PMF1: variants seen among roughly 807,000 people sequenced by gnomAD.
PMF1 encodes the protein polyamine-modulated factor 1.
Under a neutral mutation model 26.7 loss-of-function variants are expected in PMF1, and 21 were observed. The observed-to-expected ratio is 0.79, with a 90% CI of 0.56 to 1.13. The LOEUF is 1.13. Ranked by LOEUF, PMF1 falls within the 50% of genes most tolerant of loss-of-function variation. PMF1 has a pLI of 0.00. For synonymous variants in PMF1, 105 were observed against 101.0 expected (o/e 1.04, Z -0.24); for missense variants, 266 against 254.9 (o/e 1.04, Z -0.30).
At chr1:156,227,228 G>T (rs911752057) in intron 1 of PMF1, among the ~76,000 whole-genome samples, 1 of 152,040 alleles carries the variant, frequency 6.6e-6, no homozygotes, top group African/African-American at 2.4e-5. Context: ...TTTTGGCCAG[G>T]CTCAATGGCT....
intron 3 of PMF1, among the ~76,000 whole-genome samples, 167 bp from the exon 4 acceptor site, chr1:156,236,121 A>G (rs1658995147): frequency 1.3e-5 from 2 of 152,152 alleles, no homozygotes; most frequent in African/African-American, 2.4e-5. Context: ...GTGCATTCCT[A>G]CGAGGAACAG....
At chr1:156,230,782 C>G (rs1658653229) in intron 1 of PMF1, among the ~76,000 whole-genome samples, 1 of 152,104 alleles carries the variant, frequency 6.6e-6, no homozygotes, top group Admixed American at 6.6e-5. Flanking sequence ...TCAGGCTTGG[C>G]TGGGCATGAT....
chr1:156,233,788 T>C, intron 3 of PMF1, 60 bp downstream of exon 3: 1 of 1,536,460 alleles, frequency 6.5e-7, no homozygotes, highest in South Asian at 1.2e-5. Flanking sequence ...AAGCTTTTTT[T>C]TTTTTTTTCT....
intron 3 of PMF1, among the ~76,000 whole-genome samples, chr1:156,235,114 G>A (rs1440958407): frequency 4.5e-4 from 61 of 136,950 alleles, no homozygotes; most frequent in Non-Finnish European, 1.5e-5. Flanking sequence ...TTTCACAACT[G>A]AAAAAGAATT....
chr1:156,227,180 T>A (rs1393055804), intron 1 of PMF1, among the ~76,000 whole-genome samples: 2 of 152,180 alleles, frequency 1.3e-5, no homozygotes, highest in Non-Finnish European at 2.9e-5. Context: ...AGATAAAATT[T>A]GACACTTGGG....
intron 1 of PMF1, among the ~76,000 whole-genome samples, chr1:156,217,945 T>A (rs1307216756): frequency 6.6e-6 from 1 of 152,224 alleles, no homozygotes; most frequent in Non-Finnish European, 1.5e-5. Context: ...GGGAGAGGGA[T>A]CACTGGATCC....
chr1:156,228,618 C>T (rs1413833603), intron 1 of PMF1, among the ~76,000 whole-genome samples: 1 of 152,106 alleles, frequency 6.6e-6, no homozygotes, highest in African/African-American at 2.4e-5. Context: ...GGGCCCTATC[C>T]GCTGTCAGCT....
At chr1:156,236,540 G>T (rs1428561979) in intron 4 of PMF1, 57 bp downstream of exon 4, 2 of 1,524,204 alleles carry the variant, frequency 1.3e-6, no homozygotes, top group South Asian at 1.2e-5. Flanking sequence ...TCTGAGATCC[G>T]CAAATTGGTG....
At position 156,236,444 on chromosome 1, in the gene PMF1, G is replaced by C. The variant is rs370310915; in HGVS notation, c.525G>C (p.Glu175Asp). The change falls in exon 4 of 5, where the codon GAG becomes GAC. Residue 175 changes from glutamate (E) to aspartate (D), a missense_variant. Coordinates refer to ENST00000368277, the MANE Select transcript of PMF1 (RefSeq NM_007221.4). ...AVLAGRRQVE[E>D]LQLQVQAQQQ... ...TGGCAGGGCGGAGGCAGGTGGAGGA[G>C]CTGCAGCTACAGGTCCAGGCCCAGC... is the stretch of plus-strand genomic sequence containing the variant. 6.2e-7 allele frequency: 1 copy of C among 1,613,868 alleles called. No individual in the cohort carries two copies. Among genetic ancestry groups the C allele is most frequent in the Non-Finnish European group, 8.5e-7 (1 of 1,179,856 alleles).
At chr1:156,217,727 CAA>C (rs10659605) in intron 1 of PMF1, among the ~76,000 whole-genome samples, 36 of 83,284 alleles carry the variant, frequency 4.3e-4, no homozygotes, top group South Asian at 1.1e-3. Context: ...GTCTCCAACT[CAA>C]AAAAAAAAAA....
In PMF1 at chr1:156,239,894, C is replaced by T. The variant is rs111548534; in HGVS notation, c.*293C>T. The T allele has an allele frequency of 2.6e-3, 1,000 of 385,082 alleles. 7 individuals carry two copies. Among genetic ancestry groups the T allele is most frequent in the African/African-American group, 0.019 (924 of 48,688 alleles). The allele number at this position is 385,082 out of a possible 1,614,324, so 23.9% of individuals were successfully genotyped here. On this transcript the variant is annotated 3_prime_UTR_variant, in exon 5 of 5. Coordinates refer to ENST00000368277, the MANE Select transcript of PMF1 (RefSeq NM_007221.4). ...CAGGTCAGCTCTGCCCCTCCGCCCC[C>T]CTCCTGCTGGTTCCCCAGCCCTTTT...
At chr1:156,234,794 C>T (rs1195625878) in intron 3 of PMF1, among the ~76,000 whole-genome samples, 1 of 152,072 alleles carries the variant, frequency 6.6e-6, no homozygotes, top group Non-Finnish European at 1.5e-5. Context: ...AAGGTGTGAG[C>T]CCTCGCGCCC....
chr1:156,216,705 C>T (rs1441930273), intron 1 of PMF1, among the ~76,000 whole-genome samples: 11 of 151,820 alleles, frequency 7.2e-5, no homozygotes, highest in South Asian at 4.1e-4. Context: ...TGCGGGCGCC[C>T]GGGGCGGCCG....
chr1:156,234,958 A>C (rs1359419949), intron 3 of PMF1, among the ~76,000 whole-genome samples: 1 of 152,132 alleles, frequency 6.6e-6, no homozygotes, highest in Non-Finnish European at 1.5e-5. Flanking sequence ...CGTGGAGAGC[A>C]GGGGCCAGCA....
At chr1:156,216,619 C>A (rs1319095335) in intron 1 of PMF1, among the ~76,000 whole-genome samples, 3 of 151,756 alleles carry the variant, frequency 2.0e-5, no homozygotes, top group Non-Finnish European at 2.9e-5. Context: ...GGTGCCGGCC[C>A]GGGTCCGGGT....
At chr1:156,230,819 T>C (rs1248193813) in intron 1 of PMF1, among the ~76,000 whole-genome samples, 1 of 152,038 alleles carries the variant, frequency 6.6e-6, no homozygotes, top group Non-Finnish European at 1.5e-5. Context: ...CCCAGCACTT[T>C]GGGAGGCTGA....
chr1:156,216,740 GTGCCGT>G (rs1558188538), intron 1 of PMF1, among the ~76,000 whole-genome samples: 2,203 of 152,000 alleles, frequency 0.014, 58 homozygotes, highest in African/African-American at 0.05. Context: ...CACTGGCTCC[GTGCCGT>G]GCGTGTCAGG....
intron 3 of PMF1, 141 bp from the exon 4 acceptor site, chr1:156,236,147 A>AG: frequency 9.1e-7 from 1 of 1,094,356 alleles, no homozygotes; most frequent in Non-Finnish European, 1.3e-6. Flanking sequence ...GGGAGGTGAG[A>AG]GGGACCACAG....
chr1:156,239,399 T>C, intron 4 of PMF1, 149 bp from the exon 5 acceptor site: 1 of 634,454 alleles, frequency 1.6e-6, no homozygotes. Flanking sequence ...GCCTTCATCC[T>C]AACATGCTCT....
Sources: allele counts gnomAD v4.1 joint callset (sites outside exome capture counted in the v4.1 genomes callset), GRCh38; gene constraint gnomAD v4.1.1; transcripts MANE v1.5; gene names NCBI Gene and HGNC (gene_info 2026-07-23, HGNC 2026-07-21).